The following RSRC1 variants were observed in gnomAD, a reference collection of about 807,000 sequenced individuals.
The protein encoded by RSRC1 is arginine and serine rich coiled-coil 1.
A neutral mutation model predicts 49.1 loss-of-function variants in RSRC1; 39 were observed. The ratio of observed to expected loss-of-function variants is 0.79; its 90% CI spans 0.61 to 1.04. RSRC1 has a LOEUF of 1.04. Ranked by LOEUF, RSRC1 falls within the 50% of genes least tolerant of loss-of-function variation. RSRC1 has a pLI of 0.00. For synonymous variants in RSRC1, 143 were observed against 130.8 expected, an observed-to-expected ratio of 1.09 and a Z score of -0.63; for missense variants, 388 against 402.4, an observed-to-expected ratio of 0.96 and a Z score of 0.31.
intron 5 of RSRC1, among the ~76,000 whole-genome samples, chr3:158,353,995 CTTTTTTT>C (rs1230649090): frequency 2.1e-5 from 2 of 96,302 alleles, no homozygotes; most frequent in African/African-American, 4.1e-5. Flanking sequence ...GTTTCTTTTT[CTTTTTTT>C]TTTTTTTTTT....
At chr3:158,359,430 G>A (rs1398964115) in intron 6 of RSRC1, among the ~76,000 whole-genome samples, 1 of 152,198 alleles carries the variant, frequency 6.6e-6, no homozygotes, top group Non-Finnish European at 1.5e-5. Context: ...ACCACTGCTA[G>A]ATGATTCTTT....
At chr3:158,193,625 T>A (rs1031604004) in intron 3 of RSRC1, among the ~76,000 whole-genome samples, 4 of 152,126 alleles carry the variant, frequency 2.6e-5, no homozygotes, top group Non-Finnish European at 2.9e-5. Flanking sequence ...CTGCCTTCCA[T>A]TTATATTGTT....
intron 7 of RSRC1, 120 bp downstream of exon 7, chr3:158,461,123 T>A (rs561660140): frequency 3.5e-6 from 2 of 564,862 alleles, no homozygotes; most frequent in African/African-American, 3.8e-5. Context: ...GAACCAAAAC[T>A]ATGACACAAT....
At chr3:158,172,972 A>G (rs1718962754) in intron 3 of RSRC1, among the ~76,000 whole-genome samples, 1 of 151,974 alleles carries the variant, frequency 6.6e-6, no homozygotes, top group African/African-American at 2.4e-5. Flanking sequence ...TTGACTTAGG[A>G]TATGTGGTTT....
Position 158,215,717 on chromosome 3 carries a change from C to G in RSRC1, c.494+12472C>G, listed in dbSNP as rs187462210. ...CACGTACTTAATTCTTCACAGTCTA[C>G]TTAGAATCTGTGTTTTATTGCTTCA... On this transcript the variant is annotated intron_variant, in intron 4 of 9. Coordinates refer to ENST00000611884, the MANE Select transcript of RSRC1 (RefSeq NM_001271838.2). Among the ~76,000 whole-genome samples the G allele has an allele frequency of 5.4e-3, 818 of 151,830 alleles. 4 individuals carry two copies. The highest frequency in any genetic ancestry group is 9.5e-3 in the Non-Finnish European group (647 of 67,848).
intron 7 of RSRC1, among the ~76,000 whole-genome samples, chr3:158,500,719 T>G (rs528624232): frequency 3.3e-5 from 5 of 152,300 alleles, no homozygotes; most frequent in Non-Finnish European, 7.4e-5. Flanking sequence ...TATCTCCTGT[T>G]TCATTTCTTA....
intron 3 of RSRC1, among the ~76,000 whole-genome samples, chr3:158,163,591 G>A (rs1217094297): frequency 6.6e-6 from 1 of 152,022 alleles, no homozygotes; most frequent in Non-Finnish European, 1.5e-5. Flanking sequence ...GTTTGGTTCA[G>A]CATTCCAAAG....
intron 5 of RSRC1, among the ~76,000 whole-genome samples, chr3:158,338,469 TATG>T (rs955499035): frequency 2.6e-4 from 40 of 152,322 alleles, no homozygotes; most frequent in African/African-American, 9.6e-4. Flanking sequence ...TAGCTAGAAA[TATG>T]ATAAGCTGTT....
intron 4 of RSRC1, among the ~76,000 whole-genome samples, chr3:158,226,214 A>G (rs1244837443): frequency 6.6e-6 from 1 of 151,940 alleles, no homozygotes; most frequent in Non-Finnish European, 1.5e-5. Context: ...TTTCCTTCAA[A>G]GAGTTGTTGG....
chr3:158,441,449 G>GT (rs139663164), intron 6 of RSRC1, among the ~76,000 whole-genome samples: 20,288 of 149,046 alleles, frequency 0.14, 1,447 homozygotes, highest in Middle Eastern at 0.2. Flanking sequence ...TATCAGTAGG[G>GT]TTTTTTTTTT....
chr3:158,205,669 A>G (rs139587828), intron 4 of RSRC1, among the ~76,000 whole-genome samples: 810 of 152,246 alleles, frequency 5.3e-3, no homozygotes, highest in Non-Finnish European at 7.7e-3. Context: ...AACGAAACCT[A>G]ACTAAGAGTA....
At chr3:158,345,777 A>G (rs991347052) in intron 5 of RSRC1, among the ~76,000 whole-genome samples, 18 of 146,500 alleles carry the variant, frequency 1.2e-4, no homozygotes, top group East Asian at 4.0e-4. Flanking sequence ...GTGTGTGTGT[A>G]TATATATATA....
At chr3:158,335,121 T>C (rs1729810362) in intron 5 of RSRC1, among the ~76,000 whole-genome samples, 2 of 152,150 alleles carry the variant, frequency 1.3e-5, no homozygotes, top group South Asian at 4.1e-4. Context: ...TAAAGGAAAC[T>C]AAGAAATGAA....
intron 7 of RSRC1, among the ~76,000 whole-genome samples, chr3:158,509,237 C>T (rs868104587): frequency 6.6e-6 from 1 of 152,128 alleles, no homozygotes; most frequent in South Asian, 2.1e-4. Flanking sequence ...GTCTTAGACC[C>T]ACTTGTTGAC....
intron 4 of RSRC1, among the ~76,000 whole-genome samples, chr3:158,221,521 A>G (rs1016678479): frequency 6.6e-6 from 1 of 151,520 alleles, no homozygotes; most frequent in Admixed American, 6.6e-5. Context: ...AAAATAGTCT[A>G]CTTGTTGAAA....
At chr3:158,195,888 C>T (rs1193516) in intron 3 of RSRC1, among the ~76,000 whole-genome samples, 105,905 of 151,656 alleles carry the variant, frequency 0.7, 37,471 homozygotes, top group East Asian at 0.84. Context: ...CCATGCTGTT[C>T]TGGTTACTGT....
At chr3:158,492,008 G>A (rs1325023240) in intron 7 of RSRC1, among the ~76,000 whole-genome samples, 1 of 152,174 alleles carries the variant, frequency 6.6e-6, no homozygotes. Context: ...AAGAAAAAAG[G>A]TTTAATTGAC....
rs558712969 is a variant in RSRC1 at position 158,418,480 on chromosome 3, C to T, written c.584-42455C>T. ...TATATACTCTTAGAAGCCTGAAGTG[C>T]AGATTGATACTCTACATGATTGATT... On this transcript the variant is annotated intron_variant, in intron 6 of 9. Transcript: ENST00000611884. 5.9e-4 allele frequency among the ~76,000 whole-genome samples: 90 copies of T among 151,986 alleles called. 1 individual carries two copies. Among genetic ancestry groups the T allele is most frequent in the Middle Eastern group, 6.8e-3 (2 of 292 alleles).
intron 4 of RSRC1, among the ~76,000 whole-genome samples, chr3:158,291,709 A>G (rs1365591757): frequency 1.3e-5 from 2 of 152,200 alleles, no homozygotes; most frequent in Admixed American, 6.5e-5. Flanking sequence ...TATTTTTTCA[A>G]AATAAATATC....
Sources: allele counts gnomAD v4.1 joint callset (sites outside exome capture counted in the v4.1 genomes callset), GRCh38; gene constraint gnomAD v4.1.1; transcripts MANE v1.5; gene names NCBI Gene and HGNC (gene_info 2026-07-23, HGNC 2026-07-21).